Variants in LRRC4C observed in about 807,000 individuals in gnomAD.
The protein encoded by LRRC4C is leucine-rich repeat-containing protein 4C.
A neutral mutation model predicts 33.6 loss-of-function variants in LRRC4C; 5 were observed. The observed-to-expected ratio is 0.15, with a 90% CI of 0.08 to 0.31. The LOEUF (loss-of-function observed/expected upper bound fraction) is 0.31, where lower values mean the gene tolerates loss of function less well. Among genes scored for constraint, LRRC4C ranks in the 10% least tolerant of loss-of-function variants. LRRC4C has a pLI of 1.00. For synonymous variants in LRRC4C, 329 were observed against 302.0 expected, an observed-to-expected ratio of 1.09 and a Z score of -0.93; for missense variants, 560 against 796.7, an observed-to-expected ratio of 0.70 and a Z score of 3.58.
intron 3 of LRRC4C, among the ~76,000 whole-genome samples, chr11:40,489,173 T>A (rs1954020067): frequency 6.6e-6 from 1 of 152,130 alleles, no homozygotes; most frequent in Non-Finnish European, 1.5e-5. Flanking sequence ...CAGGTTCTTG[T>A]AATTTTCCAC....
intron 2 of LRRC4C, among the ~76,000 whole-genome samples, chr11:40,762,584 T>C (rs930302204): frequency 6.6e-6 from 1 of 152,120 alleles, no homozygotes; most frequent in Non-Finnish European, 1.5e-5. Context: ...TCCCCTGTCA[T>C]AGTATATGCC....
At chr11:40,222,568 C>T (rs1452480) in intron 5 of LRRC4C, among the ~76,000 whole-genome samples, 116,468 of 152,098 alleles carry the variant, frequency 0.77, 48,856 homozygotes, top group East Asian at 0.96. Flanking sequence ...AACACATTTA[C>T]CTATTTTCTC....
chr11:41,374,339 T>C (rs1335851502), intron 1 of LRRC4C, among the ~76,000 whole-genome samples: 2 of 152,204 alleles, frequency 1.3e-5, no homozygotes, highest in African/African-American at 2.4e-5. Flanking sequence ...TGAGGATACA[T>C]TGATTTTATG....
intron 3 of LRRC4C, among the ~76,000 whole-genome samples, chr11:40,438,472 A>G (rs1257582903): frequency 6.6e-6 from 1 of 152,226 alleles, no homozygotes; most frequent in African/African-American, 2.4e-5. Flanking sequence ...TCCCTCTACT[A>G]GAATTTAGCC....
At chr11:40,639,113 C>T (rs1291295936) in intron 3 of LRRC4C, among the ~76,000 whole-genome samples, 1 of 151,252 alleles carries the variant, frequency 6.6e-6, no homozygotes, top group Non-Finnish European at 1.5e-5. Flanking sequence ...TACAAGTTTT[C>T]ATCTTGCAGA....
At chr11:40,296,146 A>T (rs1277618188) in intron 4 of LRRC4C, among the ~76,000 whole-genome samples, 2 of 152,230 alleles carry the variant, frequency 1.3e-5, no homozygotes, top group East Asian at 3.9e-4. Context: ...CAGCAGGGAC[A>T]GGTAAGTGCT....
intron 5 of LRRC4C, among the ~76,000 whole-genome samples, chr11:40,160,178 A>T (rs1371343167): frequency 6.8e-6 from 1 of 146,410 alleles, no homozygotes; most frequent in African/African-American, 2.5e-5. Flanking sequence ...AGTTGCGAAG[A>T]TTTTTTTTTT....
chr11:41,382,302 C>A (rs566665792), intron 1 of LRRC4C, among the ~76,000 whole-genome samples: 1 of 151,982 alleles, frequency 6.6e-6, no homozygotes, highest in South Asian at 2.1e-4. Context: ...TAATATCATA[C>A]CTTAAATATG....
chr11:41,455,988 G>A (rs1293292667), intron 1 of LRRC4C, among the ~76,000 whole-genome samples: 1 of 152,044 alleles, frequency 6.6e-6, no homozygotes, highest in South Asian at 2.1e-4. Context: ...TGAGTGAGTT[G>A]GCTTAATTTA....
At chr11:40,121,511 G>T (rs552718649) in intron 6 of LRRC4C, among the ~76,000 whole-genome samples, 1 of 152,250 alleles carries the variant, frequency 6.6e-6, no homozygotes, top group African/African-American at 2.4e-5. Flanking sequence ...CACATCAAAT[G>T]AAAATTAATT....
chr11:40,134,796 T>C (rs1451507414), intron 6 of LRRC4C, among the ~76,000 whole-genome samples: 1 of 152,228 alleles, frequency 6.6e-6, no homozygotes, highest in Non-Finnish European at 1.5e-5. Context: ...CTCTGATTTC[T>C]GTATATTTTT....
chr11:40,624,184 T>C (rs933437812), intron 3 of LRRC4C, among the ~76,000 whole-genome samples: 2 of 152,158 alleles, frequency 1.3e-5, no homozygotes, highest in African/African-American at 4.8e-5. Context: ...GCACATTCTA[T>C]GATCATGGAC....
intron 1 of LRRC4C, among the ~76,000 whole-genome samples, chr11:41,291,473 T>A (rs1303813382): frequency 6.6e-6 from 1 of 152,186 alleles, no homozygotes; most frequent in Admixed American, 6.5e-5. Context: ...ATATATAACA[T>A]GAATTTTTAC....
At chr11:40,754,592 G>A (rs1225859528) in intron 2 of LRRC4C, among the ~76,000 whole-genome samples, 1 of 152,032 alleles carries the variant, frequency 6.6e-6, no homozygotes, top group Non-Finnish European at 1.5e-5. Flanking sequence ...ATGCAGACAA[G>A]GAAAGCCAGA....
chr11:41,003,959 G>T (rs561492206), intron 1 of LRRC4C, among the ~76,000 whole-genome samples: 1 of 152,102 alleles, frequency 6.6e-6, no homozygotes, highest in East Asian at 1.9e-4. Context: ...AGTGAATAAA[G>T]AAAGAGTGTG....
intron 2 of LRRC4C, among the ~76,000 whole-genome samples, chr11:40,914,910 CAGAG>C (rs1018886645): frequency 5.9e-5 from 9 of 152,134 alleles, no homozygotes; most frequent in African/African-American, 1.2e-4. Flanking sequence ...CAATAACAGA[CAGAG>C]AGCCAACTCA....
chr11:40,436,875 C>T (rs1555058448), intron 3 of LRRC4C, among the ~76,000 whole-genome samples: 2 of 151,940 alleles, frequency 1.3e-5, no homozygotes, highest in Non-Finnish European at 2.9e-5. Context: ...GCTTACTGAT[C>T]GAAAGCCTGA....
At chr11:40,732,919 A>G (rs1453861046) in intron 2 of LRRC4C, among the ~76,000 whole-genome samples, 4 of 152,012 alleles carry the variant, frequency 2.6e-5, no homozygotes, top group Admixed American at 6.6e-5. Context: ...TTAACTCTTT[A>G]CTATATGCTA....
At chr11:41,259,160 G>A (rs10501257) in intron 1 of LRRC4C, among the ~76,000 whole-genome samples, 6,913 of 152,018 alleles carry the variant, frequency 0.045, 201 homozygotes, top group South Asian at 0.074. Context: ...AACCTTAAAA[G>A]TCTGGTGAGT....
Sources: gnomAD v4.1 joint callset for allele counts (sites outside exome capture counted in the v4.1 genomes callset) on GRCh38, gnomAD v4.1.1 for gene constraint, MANE v1.5 for transcripts, NCBI Gene and HGNC (gene_info 2026-07-23, HGNC 2026-07-21) for gene names.